TRPM4: variants seen among roughly 807,000 people sequenced by gnomAD.
TRPM4 encodes the protein transient receptor potential cation channel subfamily M member 4, also known as calcium-activated non-selective cation channel 1.
A neutral mutation model predicts 135.6 loss-of-function variants in TRPM4; 124 were observed. That is an observed-to-expected ratio of 0.91 (90% CI 0.79 to 1.06). TRPM4 has a LOEUF of 1.06. TRPM4 is among the 50% of genes least tolerant of loss of function. The probability of loss-of-function intolerance (pLI) is 0.00; values close to 1 mark genes in which losing one functional copy is unlikely to be tolerated. For missense variants in TRPM4, 1,658 were observed against 1,671.4 expected (o/e 0.99, Z 0.14); for synonymous variants, 745 against 705.6 (o/e 1.06, Z -0.88).
At position 49,158,316 on chromosome 19, in the gene TRPM4, C is replaced by T. The variant is rs922637255; in HGVS notation, c.92+57C>T. Reference sequence around the variant, plus strand: ...GGGTCCGCGGCCCGCTGACCCCGCCCGCGGATGGTCACGCCCCAGCCCTGC... The same window carrying T: ...GGGTCCGCGGCCCGCTGACCCCGCCTGCGGATGGTCACGCCCCAGCCCTGC... On this transcript the variant is annotated intron_variant, in intron 2 of 24. Transcript: ENST00000252826. 30 of 1,493,222 alleles carry T rather than the reference C, an allele frequency of 2.0e-5. No individual in the cohort carries two copies. In the African/African-American group the frequency reaches 3.4e-4, roughly 17 times the overall value. The allele number at this position is 1,493,222 out of a possible 1,614,324, so 92.5% of individuals were successfully genotyped here.
chr19:49,204,052 G>A (rs8102409), intron 20 of TRPM4, among the ~76,000 whole-genome samples: 34,189 of 152,124 alleles, frequency 0.22, 7,070 homozygotes, highest in African/African-American at 0.56. Context: ...CCCAGGAGGC[G>A]GAGGCTACAG....
chr19:49,196,933 A>C, intron 17 of TRPM4, 59 bp downstream of exon 17: 1 of 1,485,512 alleles, frequency 6.7e-7, no homozygotes, highest in South Asian at 1.2e-5. Context: ...CTTCCTGCCC[A>C]CTCCCGGGGT....
At position 49,175,928 on chromosome 19, in the gene TRPM4, C is replaced by CT. The variant is rs34213157; in HGVS notation, c.1150+3836dup. Among the ~76,000 whole-genome samples the CT allele has an allele frequency of 6.4e-3, 701 of 109,194 alleles. 3 individuals carry two copies. Among genetic ancestry groups the CT allele is most frequent in the African/African-American group, 0.02 (556 of 28,108 alleles). The allele number at this position is 109,194 out of a possible 152,430, so 71.6% of individuals were successfully genotyped here. ...AGGCGTGAGCCACGGCGCCCGGCCT[C>CT]TTTTTTTTTTTTTTTTAAAGAGTCT... On this transcript the variant is annotated intron_variant, in intron 9 of 24. Coordinates refer to ENST00000252826, the MANE Select transcript of TRPM4 (RefSeq NM_017636.4).
intron 16 of TRPM4, 40 bp downstream of exon 16, chr19:49,190,813 C>A: frequency 1.2e-5 from 19 of 1,592,620 alleles, no homozygotes; most frequent in Non-Finnish European, 1.6e-5. Flanking sequence ...TGGGGACACC[C>A]TGGGCAGTTC....
chr19:49,172,326 C>T (rs1483795248), intron 9 of TRPM4, among the ~76,000 whole-genome samples: 1 of 152,226 alleles, frequency 6.6e-6, no homozygotes, highest in Admixed American at 6.5e-5. Flanking sequence ...TTGGATCCAT[C>T]CATCCATTCT....
At position 49,210,266 on chromosome 19, in the gene TRPM4, C is replaced by T. The variant is rs1450143981; in HGVS notation, c.3189C>T (p.Tyr1063=). 1.2e-6 allele frequency: 2 copies of T among 1,614,250 alleles called. No homozygotes were observed. Among genetic ancestry groups the T allele is most frequent in the Non-Finnish European group, 1.7e-6 (2 of 1,180,046 alleles). The change falls in exon 21 of 25, where the codon TAC becomes TAT. Residue 1063 remains tyrosine, a synonymous_variant. Transcript: ENST00000252826. The surrounding 1 kb of genome is among the most constrained non-coding windows in gnomAD (Gnocchi z 4.1). ...ATCTCTACTGGAAGGCGCAGCGTTACCGCCTCATCCGGGAATTCCACTCTC... is the reference window on the plus strand; with the variant it reads ...ATCTCTACTGGAAGGCGCAGCGTTATCGCCTCATCCGGGAATTCCACTCTC... ...NSDLYWKAQR[Y]RLIREFHSRP... is the part of the protein sequence containing the mutation.
At chr19:49,200,515 C>A in intron 18 of TRPM4, 83 bp downstream of exon 18, 1 of 1,587,118 alleles carries the variant, frequency 6.3e-7, no homozygotes, top group Non-Finnish European at 8.5e-7. Context: ...GGAGAAGGGG[C>A]GTGACTTTGG....
rs560853614 is a variant in TRPM4, at chr19:49,190,056, G to C, written c.2020-152G>C. On this transcript the variant is annotated intron_variant, in intron 14 of 24. Coordinates refer to ENST00000252826, the MANE Select transcript of TRPM4 (RefSeq NM_017636.4). ...CCAAAACCTGGCCTAAGTTGTCTTT[G>C]CCTTTCACCACCGTTTCCCTACCTC... 4.1e-6 allele frequency: 3 copies of C among 727,694 alleles called. No individual in the cohort carries two copies. In the South Asian group the frequency reaches 4.7e-5, roughly 11 times the overall value. 45.1% of individuals were successfully genotyped at this position (727,694 alleles called of 1,614,324 possible). A position where few individuals can be genotyped will look rare whatever the true frequency, so the allele number is the denominator to read the frequency against.
chr19:49,163,667 A>ATT (rs200201526), intron 2 of TRPM4, among the ~76,000 whole-genome samples: 1 of 151,514 alleles, frequency 6.6e-6, no homozygotes. Flanking sequence ...AATTAAAACA[A>ATT]TTTTTTTTGT....
In TRPM4 at chr19:49,206,756, G is replaced by A. The variant is rs1357677337; in HGVS notation, c.3132-3453G>A. On this transcript the variant is annotated intron_variant, in intron 20 of 24. Transcript: ENST00000252826. ...GCCCGGCCAGTTGTTGGAATTTTCC[G>A]AGGGATTGCGTTGAATCTGTAGATT... Among the ~76,000 whole-genome samples, 5 of 152,260 alleles carry A rather than the reference G, an allele frequency of 3.3e-5. 1 individual carries two copies. The highest frequency in any genetic ancestry group is 6.5e-5 in the Admixed American group (1 of 15,286).
In TRPM4 at chr19:49,196,566, G is replaced by T. The variant is rs768053714; in HGVS notation, c.2337G>T (p.Pro779=). ...LRRWFHFWGA[P]VTIFMGNVVS... ...GCTGGTTCCACTTCTGGGGCGCGCC[G>T]GTGACCATCTTCATGGGCAACGTGG... Residue 779 remains proline, a synonymous_variant, in exon 17 of 25, where the codon CCG becomes CCT. Transcript: ENST00000252826. 6.4e-7 allele frequency: 1 copy of T among 1,555,052 alleles called. No homozygotes were observed. Among genetic ancestry groups the T allele is most frequent in the South Asian group, 1.2e-5 (1 of 84,820 alleles).
intron 9 of TRPM4, among the ~76,000 whole-genome samples, chr19:49,178,751 A>T (rs1023708908): frequency 4.6e-5 from 6 of 129,922 alleles, no homozygotes; most frequent in African/African-American, 1.6e-4. Context: ...TATTATTATT[A>T]TTATTTTTAT....
In TRPM4 at chr19:49,166,125, C is replaced by G; in HGVS notation, c.177C>G (p.Thr59=). 1 of 1,605,682 alleles carries G rather than the reference C, an allele frequency of 6.2e-7. No homozygotes were observed. Among genetic ancestry groups the G allele is most frequent in the Non-Finnish European group, 8.5e-7 (1 of 1,177,124 alleles). ...ATGCCTTCGGGGCAGCCGTGGTGAC[C>G]GTGTGGGACAGCGATGCACACACCA... The part of the protein sequence containing the change: ...MEDAFGAAVV[T]VWDSDAHTTE... Residue 59 remains threonine, a synonymous_variant, in exon 3 of 25, where the codon ACC becomes ACG. Transcript: ENST00000252826.
intron 2 of TRPM4, among the ~76,000 whole-genome samples, chr19:49,165,561 C>T (rs1600398805): frequency 6.6e-6 from 1 of 152,124 alleles, no homozygotes; most frequent in South Asian, 2.1e-4. Flanking sequence ...TGGAGTAGGC[C>T]GCGCTATTAT....
At position 49,190,736 on chromosome 19, in the gene TRPM4, G is replaced by C; in HGVS notation, c.2173G>C (p.Asp725His). The change falls in exon 16 of 25, where the codon GAC becomes CAC. Residue 725 changes from aspartate (D) to histidine (H), a missense_variant. Asp to His is a moderately conservative substitution (Grantham distance 81). Coordinates refer to ENST00000252826, the MANE Select transcript of TRPM4 (RefSeq NM_017636.4). ...GCCCACACGGGAGGAGCTAGAGTTT[G>C]ACATGGATAGTGTCATTAATGGGGA... ...EEPTREELEF[D>H]MDSVINGEGP... 6.2e-7 allele frequency: 1 copy of C among 1,614,140 alleles called. No individual in the cohort carries two copies. Among genetic ancestry groups the C allele is most frequent in the East Asian group, 2.2e-5 (1 of 44,882 alleles).
chr19:49,175,561 A>C (rs952426902), intron 9 of TRPM4, among the ~76,000 whole-genome samples: 3 of 151,974 alleles, frequency 2.0e-5, no homozygotes, highest in Non-Finnish European at 2.9e-5. Flanking sequence ...CCCCAGATAC[A>C]CGGTGGCAAT....
chr19:49,192,515 C>A (rs192160882), intron 16 of TRPM4, among the ~76,000 whole-genome samples: 2 of 152,288 alleles, frequency 1.3e-5, no homozygotes, highest in African/African-American at 2.4e-5. Context: ...AGAACGAGAT[C>A]ATTTCCTTTG....
In TRPM4 at chr19:49,205,178, A is replaced by T. The variant is rs573567623; in HGVS notation, c.3131+3037A>T. 5.9e-5 allele frequency among the ~76,000 whole-genome samples: 9 copies of T among 152,008 alleles called. No homozygotes were observed. The East Asian group carries it at 1.4e-3, about 23-fold the overall frequency. On this transcript the variant is annotated intron_variant, in intron 20 of 24. Coordinates refer to ENST00000252826, the MANE Select transcript of TRPM4 (RefSeq NM_017636.4). Reference sequence around the variant, plus strand: ...ACCAAAAACTGTGTGGCTTTAAATCACAGAAATTGTCTCACAATTCTGGAT... The same window carrying T: ...ACCAAAAACTGTGTGGCTTTAAATCTCAGAAATTGTCTCACAATTCTGGAT...
intron 9 of TRPM4, among the ~76,000 whole-genome samples, chr19:49,172,582 A>G (rs148045119): frequency 1.2e-3 from 175 of 150,336 alleles, no homozygotes; most frequent in African/African-American, 4.1e-3. Context: ...CTGTCCATCC[A>G]TGCATCCACT....
Sources: gnomAD v4.1 joint callset for allele counts (sites outside exome capture counted in the v4.1 genomes callset) on GRCh38, gnomAD v4.1.1 for gene constraint, Gnocchi (gnomAD v3.1) non-coding constraint, MANE v1.5 for transcripts, NCBI Gene and HGNC (gene_info 2026-07-23, HGNC 2026-07-21) for gene names.